DPP10: variants seen among roughly 807,000 people sequenced by gnomAD.
DPP10 encodes the protein inactive dipeptidyl peptidase 10.
A neutral mutation model predicts 120.9 loss-of-function variants in DPP10; 33 were observed. The ratio of observed to expected loss-of-function variants is 0.27; its 90% CI spans 0.21 to 0.37. DPP10 has a LOEUF of 0.37. Among genes scored for constraint, DPP10 ranks in the 10% least tolerant of loss-of-function variants. DPP10 has a pLI of 1.00. For missense variants in DPP10, 816 were observed against 942.8 expected (o/e 0.87, Z 1.76); for synonymous variants, 337 against 326.1 (o/e 1.03, Z -0.36).
chr2:115,772,357 T>G (rs1681580310), intron 13 of DPP10, among the ~76,000 whole-genome samples: 1 of 152,166 alleles, frequency 6.6e-6, no homozygotes, highest in African/African-American at 2.4e-5. Flanking sequence ...TCTTTAGTAT[T>G]GATTAACAAA....
At chr2:115,283,243 A>C (rs1451825133) in intron 1 of DPP10, among the ~76,000 whole-genome samples, 1 of 152,030 alleles carries the variant, frequency 6.6e-6, no homozygotes, top group Non-Finnish European at 1.5e-5. Context: ...TTTTAGAAGT[A>C]TATAATAAAA....
chr2:114,466,552 G>A (rs1006749907), intron 1 of DPP10, among the ~76,000 whole-genome samples: 11 of 152,144 alleles, frequency 7.2e-5, no homozygotes, highest in African/African-American at 2.7e-4. Flanking sequence ...TTAATTTCTT[G>A]GAGCATGGCC....
chr2:115,318,051 T>C (rs2061881972), intron 2 of DPP10, among the ~76,000 whole-genome samples: 1 of 152,116 alleles, frequency 6.6e-6, no homozygotes. Flanking sequence ...TCTTTTGTTT[T>C]TTTTAAATGA....
intron 1 of DPP10, among the ~76,000 whole-genome samples, chr2:114,623,646 A>T (rs1021207820): frequency 1.3e-5 from 2 of 152,080 alleles, no homozygotes; most frequent in African/African-American, 4.8e-5. Context: ...ATGACCTATA[A>T]AATAGTTCAA....
chr2:114,850,289 G>T (rs868578924), intron 1 of DPP10, among the ~76,000 whole-genome samples: 12 of 152,052 alleles, frequency 7.9e-5, no homozygotes, highest in African/African-American at 2.9e-4. Context: ...GGCTTCTTGA[G>T]TAGCTGAAAC....
chr2:115,031,584 A>T (rs973593893), intron 1 of DPP10, among the ~76,000 whole-genome samples: 1 of 152,306 alleles, frequency 6.6e-6, no homozygotes, highest in Middle Eastern at 3.4e-3. Context: ...ACAGGTGTTT[A>T]TTTAGGGTGC....
At chr2:115,011,788 C>A (rs535269477) in intron 1 of DPP10, among the ~76,000 whole-genome samples, 1 of 152,024 alleles carries the variant, frequency 6.6e-6, no homozygotes, top group Non-Finnish European at 1.5e-5. Context: ...ATCCACACAC[C>A]CTTTGAAAGA....
In DPP10 at chr2:114,779,911, C is replaced by T. The variant is rs888288037; in HGVS notation, c.60+337073C>T. Among the ~76,000 whole-genome samples the T allele has an allele frequency of 9.9e-5, 15 of 151,992 alleles. No individual in the cohort carries two copies. The South Asian group carries it at 1.7e-3, about 17-fold the overall frequency. On this transcript the variant is annotated intron_variant, in intron 1 of 25. Coordinates refer to ENST00000410059, the MANE Select transcript of DPP10 (RefSeq NM_020868.6). ...CAGCACTTTGGGAGGCCAAGGCGGG[C>T]GGATCACGAGGTCAGGAGATCGAGA... is the stretch of plus-strand genomic sequence containing the variant.
At chr2:114,755,951 T>TAAAAAAAAAAAAAA (rs57668109) in intron 1 of DPP10, among the ~76,000 whole-genome samples, 1 of 129,732 alleles carries the variant, frequency 7.7e-6, no homozygotes, top group Non-Finnish European at 1.6e-5. Flanking sequence ...AGGAAGAAAT[T>TAAAAAAAAAAAAAA]AAAAAAAAAA....
intron 1 of DPP10, among the ~76,000 whole-genome samples, chr2:115,112,934 C>A (rs967263871): frequency 6.6e-6 from 1 of 152,074 alleles, no homozygotes; most frequent in African/African-American, 2.4e-5. Flanking sequence ...CTGGTATTTT[C>A]GTTCACATTT....
chr2:115,599,404 A>AG (rs2083185359), intron 5 of DPP10, among the ~76,000 whole-genome samples: 1 of 152,136 alleles, frequency 6.6e-6, no homozygotes, highest in Non-Finnish European at 1.5e-5. Context: ...AGTGAAATTT[A>AG]TTGACAGATT....
chr2:115,713,240 A>G (rs1050111024), intron 7 of DPP10, among the ~76,000 whole-genome samples: 1 of 152,202 alleles, frequency 6.6e-6, no homozygotes, highest in Admixed American at 6.5e-5. Context: ...TGAGTCATAA[A>G]GGAAGACCTA....
At chr2:114,649,322 A>G (rs888063034) in intron 1 of DPP10, among the ~76,000 whole-genome samples, 52 of 151,508 alleles carry the variant, frequency 3.4e-4, no homozygotes, top group African/African-American at 1.2e-3. Flanking sequence ...TTCTCACTTA[A>G]TTGGTATGTA....
chr2:115,123,936 C>T (rs534435769), intron 1 of DPP10, among the ~76,000 whole-genome samples: 2 of 151,626 alleles, frequency 1.3e-5, no homozygotes, highest in Non-Finnish European at 2.9e-5. Context: ...ATATAAAATG[C>T]CTGTCTGATT....
chr2:115,606,969 C>T (rs1368890119), intron 5 of DPP10, among the ~76,000 whole-genome samples: 1 of 152,140 alleles, frequency 6.6e-6, no homozygotes, highest in Non-Finnish European at 1.5e-5. Flanking sequence ...CAACCAAATG[C>T]CCTTGGCCAT....
At chr2:115,295,655 T>C (rs187637215) in intron 1 of DPP10, among the ~76,000 whole-genome samples, 14 of 152,228 alleles carry the variant, frequency 9.2e-5, no homozygotes, top group Admixed American at 5.9e-4. Flanking sequence ...GCAATAAAAA[T>C]AATTAAAAGC....
At chr2:115,158,194 G>A (rs2052049511) in intron 1 of DPP10, among the ~76,000 whole-genome samples, 1 of 152,112 alleles carries the variant, frequency 6.6e-6, no homozygotes, top group African/African-American at 2.4e-5. Context: ...GATGACCTAT[G>A]TATGTATAGA....
Position 115,637,831 on chromosome 2 carries a change from G to T in DPP10, c.442-51856G>T, listed in dbSNP as rs139530392. 2.5e-3 allele frequency among the ~76,000 whole-genome samples: 383 copies of T among 152,258 alleles called. 3 individuals carry two copies. Among genetic ancestry groups the T allele is most frequent in the Non-Finnish European group, 5.0e-3 (339 of 68,024 alleles). ...CCCAGTCAAACTAAACTTGTGTGAA[G>T]AAAAATTAAGCCTAGACATCACCAG... On this transcript the variant is annotated intron_variant, in intron 5 of 25. Coordinates refer to ENST00000410059, the MANE Select transcript of DPP10 (RefSeq NM_020868.6).
At chr2:114,595,729 A>T (rs1180477141) in intron 1 of DPP10, among the ~76,000 whole-genome samples, 1 of 152,088 alleles carries the variant, frequency 6.6e-6, no homozygotes, top group African/African-American at 2.4e-5. Flanking sequence ...CTCCCAGATG[A>T]ATTTCAATGA....
Sources: allele counts gnomAD v4.1 joint callset (sites outside exome capture counted in the v4.1 genomes callset), GRCh38; gene constraint gnomAD v4.1.1; transcripts MANE v1.5; gene names NCBI Gene and HGNC (gene_info 2026-07-23, HGNC 2026-07-21).